The following NRXN1 variants were observed in gnomAD, a reference collection of about 807,000 sequenced individuals.
The protein encoded by NRXN1 is neurexin-1.
A neutral mutation model predicts 150.9 loss-of-function variants in NRXN1; 39 were observed. The ratio of observed to expected loss-of-function variants is 0.26; its 90% CI spans 0.20 to 0.34. NRXN1 has a LOEUF of 0.34. Among genes scored for constraint, NRXN1 ranks in the 10% least tolerant of loss-of-function variants. The probability of loss-of-function intolerance (pLI) is 1.00; values close to 1 mark genes in which losing one functional copy is unlikely to be tolerated. For missense variants in NRXN1, 1,815 were observed against 1,949.9 expected, an observed-to-expected ratio of 0.93 and a Z score of 1.30; for synonymous variants, 924 against 757.0, an observed-to-expected ratio of 1.22 and a Z score of -3.62.
intron 2 of NRXN1, among the ~76,000 whole-genome samples, chr2:50,967,263 A>G (rs988310506): frequency 6.6e-6 from 1 of 151,978 alleles, no homozygotes; most frequent in Non-Finnish European, 1.5e-5. Flanking sequence ...GACAATATAG[A>G]TTTATATGAA....
intron 18 of NRXN1, among the ~76,000 whole-genome samples, chr2:50,194,522 C>T (rs996788006): frequency 9.9e-5 from 15 of 152,098 alleles, no homozygotes; most frequent in African/African-American, 3.4e-4. Flanking sequence ...GATTCCCCAA[C>T]TTCAAAACGT....
intron 17 of NRXN1, among the ~76,000 whole-genome samples, chr2:50,322,931 G>A (rs1269647384): frequency 6.6e-6 from 1 of 151,990 alleles, no homozygotes. Flanking sequence ...AATAATTCTA[G>A]TATTATTTTT....
intron 2 of NRXN1, among the ~76,000 whole-genome samples, chr2:50,985,928 A>G (rs1354581633): frequency 6.6e-6 from 1 of 151,784 alleles, no homozygotes; most frequent in Non-Finnish European, 1.5e-5. Context: ...AGATTCTACA[A>G]CTCTCAAAGA....
chr2:50,408,236 A>G (rs1005430366), intron 17 of NRXN1, among the ~76,000 whole-genome samples: 1 of 152,216 alleles, frequency 6.6e-6, no homozygotes, highest in East Asian at 1.9e-4. Flanking sequence ...TGAGTCTACA[A>G]TAGATTAACA....
chr2:50,577,942 T>C (rs1420839911), intron 8 of NRXN1, among the ~76,000 whole-genome samples: 4 of 152,178 alleles, frequency 2.6e-5, no homozygotes, highest in African/African-American at 9.6e-5. Context: ...AGATAGATAC[T>C]ATAAAGTCTG....
chr2:50,252,789 G>A (rs2152900996), intron 17 of NRXN1, among the ~76,000 whole-genome samples: 1 of 151,776 alleles, frequency 6.6e-6, no homozygotes, highest in African/African-American at 2.4e-5. Context: ...GTGTCTGTGT[G>A]TGCCATGCTG....
chr2:49,970,698 A>G (rs569097147), intron 21 of NRXN1: 2 of 152,262 alleles, frequency 1.3e-5, no homozygotes, highest in African/African-American at 4.8e-5. Flanking sequence ...TGTAAATTTT[A>G]AAAACTTAAA....
Position 50,950,572 on chromosome 2 carries a change from C to G in NRXN1, c.773-24617G>C, listed in dbSNP as rs1691153869. On this transcript the variant is annotated intron_variant, in intron 2 of 22. Transcript: ENST00000401669. Reference sequence around the variant, plus strand: ...AACATTTTGTATCGGATAAGTCTTTCTTGGAAGGGACTATTCTGTGCATTT... The same window carrying G: ...AACATTTTGTATCGGATAAGTCTTTGTTGGAAGGGACTATTCTGTGCATTT... 2.6e-5 allele frequency among the ~76,000 whole-genome samples: 4 copies of G among 152,118 alleles called. No homozygotes were observed. In the South Asian group the frequency reaches 8.3e-4, roughly 31 times the overall value.
chr2:50,669,806 AT>A (rs937731078), intron 5 of NRXN1, among the ~76,000 whole-genome samples: 21 of 148,380 alleles, frequency 1.4e-4, no homozygotes, highest in African/African-American at 2.2e-4. Context: ...GCTACTCAAA[AT>A]AAATAAATAA....
intron 5 of NRXN1, among the ~76,000 whole-genome samples, chr2:50,752,152 G>T (rs1700662117): frequency 6.6e-6 from 1 of 151,842 alleles, no homozygotes; most frequent in Admixed American, 6.6e-5. Context: ...ACAAAATAGG[G>T]CAAGGATATA....
rs535962258 is a variant in NRXN1, at chr2:50,531,443, A to C, written c.2144-13T>G. ...AAAACCGTTGCCTCTAGAGATGGAAAATGAATATGATAAGTTCTTGGATGG... is the reference window on the plus strand; with the variant it reads ...AAAACCGTTGCCTCTAGAGATGGAACATGAATATGATAAGTTCTTGGATGG... On this transcript the variant is annotated splice_polypyrimidine_tract_variant and intron_variant, in intron 10 of 22. Transcript: ENST00000401669. The C allele has an allele frequency of 5.0e-6, 8 of 1,597,920 alleles. No homozygotes were observed. The South Asian group carries it at 9.0e-5, about 18-fold the overall frequency.
chr2:50,048,433 G>A (rs1307656496), intron 21 of NRXN1, among the ~76,000 whole-genome samples: 2 of 151,926 alleles, frequency 1.3e-5, no homozygotes, highest in Non-Finnish European at 1.5e-5. Context: ...TTACAGCTAA[G>A]GTTAATTAAT....
rs1291308545 is a variant in NRXN1 at position 50,226,714 on chromosome 2, G to C, written c.3546+10075C>G. The stretch of plus-strand genomic sequence containing the variant: ...GGTTCTCTATCAGAACTAGAATCTT[G>C]CTTCAAGATACCAATCTATAAATAG... On this transcript the variant is annotated intron_variant, in intron 18 of 22. Transcript: ENST00000401669. 2.6e-5 allele frequency among the ~76,000 whole-genome samples: 4 copies of C among 151,956 alleles called. No homozygotes were observed. The East Asian group carries it at 5.8e-4, about 22-fold the overall frequency.
intron 5 of NRXN1, among the ~76,000 whole-genome samples, chr2:50,805,588 C>T (rs1449500120): frequency 5.9e-5 from 9 of 152,098 alleles, no homozygotes; most frequent in African/African-American, 2.2e-4. Flanking sequence ...TGCAGTGAGC[C>T]AAGATCACGC....
intron 18 of NRXN1, among the ~76,000 whole-genome samples, chr2:50,236,438 G>A (rs1201249804): frequency 6.6e-6 from 1 of 151,906 alleles, no homozygotes; most frequent in African/African-American, 2.4e-5. Context: ...ACAACCTCCT[G>A]CTTCCAGCCA....
chr2:50,543,551 G>A (rs2093432656), intron 9 of NRXN1, among the ~76,000 whole-genome samples: 1 of 152,038 alleles, frequency 6.6e-6, no homozygotes, highest in Non-Finnish European at 1.5e-5. Flanking sequence ...AAGGTGATAA[G>A]CAGACAAGGT....
intron 5 of NRXN1, among the ~76,000 whole-genome samples, chr2:50,867,834 A>C (rs1677157350): frequency 6.6e-6 from 1 of 151,766 alleles, no homozygotes; most frequent in Non-Finnish European, 1.5e-5. Context: ...TTTCTGAAGT[A>C]TTTTTGACAG....
intron 5 of NRXN1, among the ~76,000 whole-genome samples, chr2:50,839,288 C>T (rs1347024910): frequency 6.6e-6 from 1 of 152,100 alleles, no homozygotes; most frequent in East Asian, 1.9e-4. Context: ...ATCTCATGAT[C>T]CCTTTACTAT....
intron 18 of NRXN1, among the ~76,000 whole-genome samples, chr2:50,180,071 G>C (rs1033957071): frequency 6.6e-6 from 1 of 152,044 alleles, no homozygotes; most frequent in East Asian, 1.9e-4. Flanking sequence ...AGGCTGGCTG[G>C]AGTGCAGTGG....
Sources: gnomAD v4.1 joint callset for allele counts (sites outside exome capture counted in the v4.1 genomes callset) on GRCh38, gnomAD v4.1.1 for gene constraint, MANE v1.5 for transcripts, NCBI Gene and HGNC (gene_info 2026-07-23, HGNC 2026-07-21) for gene names.